Variants in CHRNA5 observed in about 807,000 individuals in gnomAD.
CHRNA5 encodes cholinergic receptor nicotinic alpha 5 subunit, also known as neuronal acetylcholine receptor subunit alpha-5.
A neutral mutation model predicts 41.2 loss-of-function variants in CHRNA5; 28 were observed. That is an observed-to-expected ratio of 0.68 (90% CI 0.50 to 0.93). The LOEUF (loss-of-function observed/expected upper bound fraction) is 0.93. Ranked by LOEUF, CHRNA5 falls within the 40% of genes least tolerant of loss-of-function variation. The pLI, the probability that CHRNA5 is intolerant of heterozygous loss-of-function variation, is 0.00. For synonymous variants in CHRNA5, 188 were observed against 205.8 expected, an observed-to-expected ratio of 0.91 and a Z score of 0.74; for missense variants, 481 against 581.9, an observed-to-expected ratio of 0.83 and a Z score of 1.78.
rs71148540 is a variant in CHRNA5 at position 78,570,424 on chromosome 15, A to ATT, written c.106+4623_106+4624dup. Among the ~76,000 whole-genome samples the ATT allele has an allele frequency of 2.2e-3, 138 of 64,150 alleles. 4 individuals carry two copies. The highest frequency in any genetic ancestry group is 6.5e-3 in the African/African-American group (96 of 14,830). 42.1% of individuals were successfully genotyped at this position (64,150 alleles called of 152,430 possible). On this transcript the variant is annotated intron_variant, in intron 1 of 5. Transcript: ENST00000299565. The stretch of plus-strand genomic sequence containing the variant: ...CAGGCATGTGCCACCAATCCCGGCT[A>ATT]TTTTTTTTTTTTTTTTTTTTTTTTT...
At chr15:78,594,902 G>A (rs1419837988) in exon 6 of CHRNA5, 2 of 152,190 alleles carry the variant, frequency 1.3e-5, no homozygotes, top group Non-Finnish European at 2.9e-5. Context: ...ACAGTATAAT[G>A]TATCACAGTT....
chr15:78,574,216 A>G (rs895532044), intron 1 of CHRNA5, among the ~76,000 whole-genome samples: 1 of 151,292 alleles, frequency 6.6e-6, no homozygotes, highest in Non-Finnish European at 1.5e-5. Context: ...CCCCGTCTCT[A>G]CTAAAAATAC....
At chr15:78,565,987 G>C (rs1485323063) in intron 1 of CHRNA5, among the ~76,000 whole-genome samples, 162 bp downstream of exon 1, 1 of 152,174 alleles carries the variant, frequency 6.6e-6, no homozygotes, top group Non-Finnish European at 1.5e-5. Flanking sequence ...TAAATGTCCA[G>C]ATTTGCTCAT....
intron 2 of CHRNA5, among the ~76,000 whole-genome samples, chr15:78,581,767 GC>G (rs1381018725): frequency 1.3e-5 from 2 of 152,058 alleles, no homozygotes; most frequent in African/African-American, 4.8e-5. Flanking sequence ...TGTGTTTCTT[GC>G]CAGTCTGTCT....
chr15:78,568,018 C>T (rs2052765792), intron 1 of CHRNA5, among the ~76,000 whole-genome samples: 2 of 152,206 alleles, frequency 1.3e-5, no homozygotes, highest in African/African-American at 2.4e-5. Context: ...GTTTCTCTCT[C>T]TTTAAAATGA....
chr15:78,569,431 A>AT (rs1284392787), intron 1 of CHRNA5, among the ~76,000 whole-genome samples: 12 of 150,086 alleles, frequency 8.0e-5, no homozygotes, highest in African/African-American at 3.0e-4. Flanking sequence ...TAAATATTGG[A>AT]ATTTTTTTTT....
intron 2 of CHRNA5, among the ~76,000 whole-genome samples, chr15:78,583,685 ACT>A (rs796340496): frequency 7.1e-4 from 105 of 147,570 alleles, no homozygotes; most frequent in African/African-American, 2.2e-3. Flanking sequence ...ACAGAGCGAG[ACT>A]CTGTCTCAAA....
chr15:78,572,545 G>A (rs866781478), intron 1 of CHRNA5, among the ~76,000 whole-genome samples: 14 of 152,026 alleles, frequency 9.2e-5, no homozygotes, highest in Non-Finnish European at 4.4e-5. Flanking sequence ...GTTCAGTGGC[G>A]TGATCTCGGC....
chr15:78,585,191 A>G (rs945099300), intron 2 of CHRNA5, among the ~76,000 whole-genome samples: 1 of 152,226 alleles, frequency 6.6e-6, no homozygotes, highest in African/African-American at 2.4e-5. Context: ...CTGGGATTAC[A>G]GGTGTGAGCC....
In CHRNA5 at chr15:78,588,258, C is replaced by T. The variant is rs1412179282; in HGVS notation, c.304-56C>T. On this transcript the variant is annotated intron_variant, in intron 3 of 5. Transcript: ENST00000299565. This position sits in a 1 kb window ranked among gnomAD's most constrained non-coding sequence, Gnocchi z 4.1. ...TGGTGTGACAAAAAAGTATGGTATT[C>T]ACTGTTTTTGACTATTAGTTTTATT... 4.4e-6 allele frequency: 4 copies of T among 909,748 alleles called. No homozygotes were observed. The highest frequency in any genetic ancestry group is 6.8e-6 in the Non-Finnish European group (4 of 587,006). The allele number at this position is 909,748 out of a possible 1,614,324, so 56.4% of individuals were successfully genotyped here. A position where few individuals can be genotyped will look rare whatever the true frequency, so the allele number is the denominator to read the frequency against.
intron 1 of CHRNA5, among the ~76,000 whole-genome samples, chr15:78,567,178 G>A (rs1405555651): frequency 2.6e-5 from 4 of 151,370 alleles, no homozygotes; most frequent in African/African-American, 4.9e-5. Context: ...ACGTGAACCC[G>A]AGAGGCGGAG....
At chr15:78,585,404 A>G (rs143766825) in intron 2 of CHRNA5, among the ~76,000 whole-genome samples, 95 of 152,236 alleles carry the variant, frequency 6.2e-4, no homozygotes, top group African/African-American at 2.1e-3. Flanking sequence ...GGGACGGGAT[A>G]AGGAATGGGT....
chr15:78,573,934 C>T (rs960874532), intron 1 of CHRNA5, among the ~76,000 whole-genome samples: 35 of 147,116 alleles, frequency 2.4e-4, no homozygotes, highest in Admixed American at 2.4e-3. Flanking sequence ...GTAGCTGGGA[C>T]TACAGGCGTG....
intron 1 of CHRNA5, among the ~76,000 whole-genome samples, chr15:78,579,531 G>T (rs2052890942): frequency 6.6e-6 from 1 of 152,204 alleles, no homozygotes. Context: ...TGGGATTACA[G>T]ACGTGAGCCA....
chr15:78,578,538 T>A (rs1197669093), intron 1 of CHRNA5, among the ~76,000 whole-genome samples: 3 of 152,120 alleles, frequency 2.0e-5, no homozygotes, highest in Non-Finnish European at 4.4e-5. Context: ...AATAATTTTT[T>A]AAAATTAAAC....
At chr15:78,570,571 C>G (rs563615803) in intron 1 of CHRNA5, among the ~76,000 whole-genome samples, 1 of 151,914 alleles carries the variant, frequency 6.6e-6, no homozygotes, top group East Asian at 1.9e-4. Context: ...CGCCCGGCCC[C>G]TCCTACTGTG....
rs772051214 is a variant in CHRNA5, at chr15:78,593,073, TTTA to T, written c.1246-16_1246-14del. ...ACAATTTACAATTATTTAATGCATT[TTTA>T]TTTTTTTCCTAACAGGTTGTTGAAG... On this transcript the variant is annotated splice_polypyrimidine_tract_variant and intron_variant, in intron 5 of 5. Coordinates refer to ENST00000299565, the Ensembl canonical transcript of CHRNA5. 12 of 1,596,430 alleles carry T rather than the reference TTTA, an allele frequency of 7.5e-6. No homozygotes were observed. The highest frequency in any genetic ancestry group is 9.4e-6 in the Non-Finnish European group (11 of 1,174,088).
chr15:78,593,329 T>C lies in CHRNA5; in HGVS notation c.*76T>C, dbSNP rs1405614110. The C allele has an allele frequency of 7.9e-6, 11 of 1,390,924 alleles. No individual in the cohort carries two copies. The Admixed American group carries it at 3.1e-4, about 39-fold the overall frequency. 86.2% of individuals were successfully genotyped at this position (1,390,924 alleles called of 1,614,324 possible). ...TGGCACCTATAAAATTATGAAAATGTAAGTTATGTGTTAAATTTAGTGCAA... is the reference window on the plus strand; with the variant it reads ...TGGCACCTATAAAATTATGAAAATGCAAGTTATGTGTTAAATTTAGTGCAA... On this transcript the variant is annotated 3_prime_UTR_variant, in exon 6 of 6. Transcript: ENST00000299565.
At chr15:78,578,539 A>T (rs1596059350) in intron 1 of CHRNA5, among the ~76,000 whole-genome samples, 1 of 152,200 alleles carries the variant, frequency 6.6e-6, no homozygotes, top group African/African-American at 2.4e-5. Flanking sequence ...ATAATTTTTT[A>T]AAATTAAACT....
Sources: gnomAD v4.1 joint callset for allele counts (sites outside exome capture counted in the v4.1 genomes callset) on GRCh38, gnomAD v4.1.1 for gene constraint, Gnocchi (gnomAD v3.1) non-coding constraint, MANE v1.5 for transcripts, NCBI Gene and HGNC (gene_info 2026-07-23, HGNC 2026-07-21) for gene names.